Variants in SUSD2 observed in about 807,000 individuals in gnomAD.
The protein encoded by SUSD2 is sushi domain containing 2.
SUSD2 carries 86 observed loss-of-function variants against 93.8 expected under a neutral mutation model. The ratio of observed to expected loss-of-function variants is 0.92; its 90% CI spans 0.77 to 1.10. The LOEUF is 1.10. Ranked by LOEUF, SUSD2 falls within the 50% of genes least tolerant of loss-of-function variation. SUSD2 has a pLI of 0.00. For synonymous variants in SUSD2, 483 were observed against 485.0 expected (o/e 1.00, Z 0.05); for missense variants, 1,060 against 1,137.0 (o/e 0.93, Z 0.97).
rs377629201 is a variant in SUSD2, at chr22:24,188,014, G to C, written c.2220G>C (p.Arg740Ser). 1 of 1,613,052 alleles carries C rather than the reference G, an allele frequency of 6.2e-7. No individual in the cohort carries two copies. Among genetic ancestry groups the C allele is most frequent in the South Asian group, 1.1e-5 (1 of 91,090 alleles). The change falls in exon 13 of 15, where the codon AGG becomes AGC. Residue 740 changes from arginine (R) to serine (S), a missense_variant. Around this residue, in one of 2 missense-constraint regions of SUSD2, gnomAD observed 973 missense variants for 1,005.3 expected, o/e 0.97. Transcript: ENST00000358321. The surrounding 1 kb of genome is among the most constrained non-coding windows in gnomAD (Gnocchi z 4.7). ...CCAACGGACAAAAGGAGGGCAACAG[G>C]TACCTGGCGGGTTCCACCATCTACT... Reference protein sequence around the residue: ...PPPNGQKEGNRYLAGSTIYFH... With the variant: ...PPPNGQKEGNSYLAGSTIYFH...
At position 24,188,756 on chromosome 22, in the gene SUSD2, G is replaced by T. The variant is rs1414991469; in HGVS notation, c.*320G>T. On this transcript the variant is annotated 3_prime_UTR_variant, in exon 15 of 15. Transcript: ENST00000358321. The surrounding 1 kb of genome is among the most constrained non-coding windows in gnomAD (Gnocchi z 4.7). ...CACACCTGAGCCTCAGATTCCAATAGCTCACTCCCTAGAGCCTGACGCCGG... is the reference window on the plus strand; with the variant it reads ...CACACCTGAGCCTCAGATTCCAATATCTCACTCCCTAGAGCCTGACGCCGG... The T allele has an allele frequency of 6.2e-6, 2 of 321,620 alleles. No individual in the cohort carries two copies. Among genetic ancestry groups the T allele is most frequent in the Non-Finnish European group, 1.2e-5 (2 of 171,148 alleles). The allele number at this position is 321,620 out of a possible 1,614,324, so 19.9% of individuals were successfully genotyped here. A position where few individuals can be genotyped will look rare whatever the true frequency, so the allele number is the denominator to read the frequency against.
chr22:24,187,662 C>T lies in SUSD2; in HGVS notation c.1983C>T (p.Phe661=), dbSNP rs199510082. 67 of 1,614,108 alleles carry T rather than the reference C, an allele frequency of 4.2e-5. No individual in the cohort carries two copies. The East Asian group carries it at 6.9e-4, about 17-fold the overall frequency. Residue 661 remains phenylalanine (F), a synonymous_variant, in exon 12 of 15, where the codon TTC becomes TTT. Transcript: ENST00000358321. ...FLYQPKHDPT[F]EPLFPSETTL... ...ACCAACCCAAGCACGACCCCACCTT[C>T]GAGCCCCTCTTCCCCAGTGAGACCA... is the stretch of plus-strand genomic sequence containing the variant.
intron 5 of SUSD2, 59 bp from the exon 6 acceptor site, chr22:24,185,035 A>G: frequency 6.2e-7 from 1 of 1,610,116 alleles, no homozygotes; most frequent in Non-Finnish European, 8.5e-7. Context: ...GGGTGGGGAG[A>G]GTGGGGCGAC....
chr22:24,188,359 C>T lies in SUSD2; in HGVS notation c.2444+32C>T, dbSNP rs369313364. The T allele has an allele frequency of 3.7e-6, 6 of 1,610,458 alleles. No homozygotes were observed. The highest frequency in any genetic ancestry group is 4.5e-5 in the East Asian group (2 of 44,842). On this transcript the variant is annotated intron_variant, in intron 14 of 14. Transcript: ENST00000358321. This position sits in a 1 kb window ranked among gnomAD's most constrained non-coding sequence, Gnocchi z 4.7. ...CCCCCCAGCCCCTCTCCCAAGACCC[C>T]GAGACAGCCGGTGGGACCACCGAGG...
In SUSD2 at chr22:24,185,907, C is replaced by T. The variant is rs770800951; in HGVS notation, c.1317C>T (p.Arg439=). Reference sequence around the variant, plus strand: ...AACGGCGGCCCTCCAATGACTGCCGCAACTACCGGCCCCCAAGACTGGGTG... The same window carrying T: ...AACGGCGGCCCTCCAATGACTGCCGTAACTACCGGCCCCCAAGACTGGGTG... ...YMQRRPSNDC[R]NYRPPRLASA... Residue 439 remains arginine, a synonymous_variant, in exon 8 of 15, where the codon CGC becomes CGT. Coordinates refer to ENST00000358321, the MANE Select transcript of SUSD2 (RefSeq NM_019601.4). The T allele has an allele frequency of 5.7e-6, 9 of 1,572,534 alleles. No individual in the cohort carries two copies. The highest frequency in any genetic ancestry group is 6.9e-6 in the Non-Finnish European group (8 of 1,155,904).
intron 1 of SUSD2, among the ~76,000 whole-genome samples, chr22:24,181,857 C>T (rs983601109): frequency 1.3e-5 from 2 of 152,230 alleles, no homozygotes; most frequent in Non-Finnish European, 2.9e-5. Flanking sequence ...CCTGTGTCCC[C>T]AGCCCTGACA....
Position 24,183,534 on chromosome 22 carries a change from C to T in SUSD2, c.327C>T (p.Ser109=), listed in dbSNP as rs1397569740. ...DSIQTLGHVD[S]SGQVHCVSPL... is the part of the protein sequence containing the mutation. ...TCCAGACCCTCGGCCATGTGGACTC[C>T]TCCGGGCAAGTGCACTGTGTGTCAC... is the stretch of plus-strand genomic sequence containing the variant. Residue 109 remains serine, a synonymous_variant, in exon 3 of 15, where the codon TCC becomes TCT. Transcript: ENST00000358321. 1 of 1,613,212 alleles carries T rather than the reference C, an allele frequency of 6.2e-7. No individual in the cohort carries two copies. Among genetic ancestry groups the T allele is most frequent in the African/African-American group, 1.3e-5 (1 of 74,922 alleles).
In SUSD2 at chr22:24,188,168, C is replaced by A; in HGVS notation, c.2341+33C>A. 1 of 1,600,600 alleles carries A rather than the reference C, an allele frequency of 6.2e-7. No individual in the cohort carries two copies. The highest frequency in any genetic ancestry group is 8.5e-7 in the Non-Finnish European group (1 of 1,171,046). ...CACTCTGCTCATACACCTGCCTGCA[C>A]CTGTCCCCACTCACCACCCCAGAGA... On this transcript the variant is annotated intron_variant, in intron 13 of 14. Coordinates refer to ENST00000358321, the MANE Select transcript of SUSD2 (RefSeq NM_019601.4). The surrounding 1 kb of genome is among the most constrained non-coding windows in gnomAD (Gnocchi z 4.7).
chr22:24,185,333 G>A (rs1389173720), intron 6 of SUSD2, 38 bp downstream of exon 6: 3 of 1,589,742 alleles, frequency 1.9e-6, no homozygotes, highest in African/African-American at 2.7e-5. Flanking sequence ...GGGGATGAGG[G>A]GTTAGCCTCC....
chr22:24,188,248 G>A lies in SUSD2; in HGVS notation c.2365G>A (p.Gly789Ser), dbSNP rs369264220. 45 of 1,603,308 alleles carry A rather than the reference G, an allele frequency of 2.8e-5. No individual in the cohort carries two copies. In the African/African-American group the frequency reaches 5.2e-4, roughly 19 times the overall value. Reference protein sequence around the residue: ...QPGRSYAVLLGIIFGGLAVVA... With the variant: ...QPGRSYAVLLSIIFGGLAVVA... ...AGGACGCAGCTACGCGGTGCTGTTG[G>A]GCATCATCTTTGGGGGCCTCGCGGT... Residue 789 changes from glycine to serine, a missense_variant, in exon 14 of 15, where the codon GGC (glycine) becomes AGC (serine). Physicochemically the swap from Gly to Ser is moderately conservative, Grantham distance 56 (BLOSUM62 0). Transcript: ENST00000358321. The surrounding 1 kb of genome is among the most constrained non-coding windows in gnomAD (Gnocchi z 4.7).
chr22:24,187,715 C>G lies in SUSD2; in HGVS notation c.2036C>G (p.Ala679Gly). The G allele has an allele frequency of 6.2e-7, 1 of 1,614,108 alleles. No individual in the cohort carries two copies. The highest frequency in any genetic ancestry group is 1.1e-5 in the South Asian group (1 of 91,080). The stretch of plus-strand genomic sequence containing the variant: ...CTCAACCCCAGCCTGGCACAAGAGG[C>G]AGCCAAACTATGTGGGGACGATCAT... ...TTLNPSLAQE[A>G]AKLCGDDHFC... Residue 679 changes from alanine to glycine, a missense_variant, in exon 12 of 15, where the codon GCA becomes GGA. Ala to Gly is a moderately conservative substitution (Grantham distance 60). This residue lies in a region of SUSD2 where 973 missense variants were observed against 1,005.3 expected (regional missense o/e 0.97). Transcript: ENST00000358321.
Position 24,184,945 on chromosome 22 carries a change from G to A in SUSD2, c.782+5G>A. ...CAAAAATTACGCAGGGCAGAAGTAA[G>A]AAGGCATGGATGTGCAGGTGATGGC... On this transcript the variant is annotated splice_donor_5th_base_variant and intron_variant, in intron 5 of 14. Coordinates refer to ENST00000358321, the MANE Select transcript of SUSD2 (RefSeq NM_019601.4). 1.2e-6 allele frequency: 2 copies of A among 1,613,444 alleles called. No homozygotes were observed. The highest frequency in any genetic ancestry group is 2.7e-5 in the African/African-American group (2 of 75,008).
rs1000289225 is a variant in SUSD2, at chr22:24,188,243, T to C, written c.2360T>C (p.Leu787Pro). 5 of 1,602,340 alleles carry C rather than the reference T, an allele frequency of 3.1e-6. No homozygotes were observed. Among genetic ancestry groups the C allele is most frequent in the African/African-American group, 2.7e-5 (2 of 74,778 alleles). Reference sequence around the variant, plus strand: ...TCACCAGGACGCAGCTACGCGGTGCTGTTGGGCATCATCTTTGGGGGCCTC... The same window carrying C: ...TCACCAGGACGCAGCTACGCGGTGCCGTTGGGCATCATCTTTGGGGGCCTC... The part of the protein sequence containing the change: ...KCQPGRSYAV[L>P]LGIIFGGLAV... Residue 787 changes from leucine to proline, a missense_variant, in exon 14 of 15, where the codon CTG (leucine) becomes CCG (proline). Transcript: ENST00000358321. This position sits in a 1 kb window ranked among gnomAD's most constrained non-coding sequence, Gnocchi z 4.7.
At chr22:24,183,401 G>A in intron 2 of SUSD2, 94 bp from the exon 3 acceptor site, 2 of 1,544,930 alleles carry the variant, frequency 1.3e-6, no homozygotes, top group Non-Finnish European at 1.8e-6. Flanking sequence ...GGGACAGCTG[G>A]CTGGTTGGGT....
Position 24,185,718 on chromosome 22 carries a change from G to A in SUSD2, c.1128G>A (p.Leu376=), listed in dbSNP as rs41304431. 1.4e-3 allele frequency: 2,211 copies of A among 1,610,992 alleles called. 3 individuals carry two copies. Among genetic ancestry groups the A allele is most frequent in the Admixed American group, 1.6e-3 (96 of 59,882 alleles). Residue 376 remains leucine (L), a synonymous_variant, in exon 8 of 15, where the codon CTG becomes CTA. Transcript: ENST00000358321. ...ACACAGCGGACGGGACGCAGCTCCTGACAGCTGACTCCAGCGGCGGCAGCA... is the reference window on the plus strand; with the variant it reads ...ACACAGCGGACGGGACGCAGCTCCTAACAGCTGACTCCAGCGGCGGCAGCA... ...CCYTADGTQL[L]TADSSGGSTP... is the part of the protein sequence containing the mutation.
In SUSD2 at chr22:24,185,773, C is replaced by A. The variant is rs372737625; in HGVS notation, c.1183C>A (p.Pro395Thr). Residue 395 changes from proline to threonine, a missense_variant, in exon 8 of 15, where the codon CCC becomes ACC. By Grantham distance (38) the Pro-to-Thr change is conservative (BLOSUM62 -1). Coordinates refer to ENST00000358321, the MANE Select transcript of SUSD2 (RefSeq NM_019601.4). ...TPDRGHDWGA[P>T]PFRTPPRVPS... is the part of the protein sequence containing the mutation. ...CGACCGCGGCCATGACTGGGGCGCA[C>A]CCCCGTTCCGCACGCCACCCCGAGT... 1.9e-6 allele frequency: 3 copies of A among 1,609,946 alleles called. No homozygotes were observed. Among genetic ancestry groups the A allele is most frequent in the South Asian group, 1.1e-5 (1 of 90,444 alleles).
chr22:24,186,248 C>T lies in SUSD2; in HGVS notation c.1484-9C>T. 1 of 1,612,790 alleles carries T rather than the reference C, an allele frequency of 6.2e-7. No homozygotes were observed. ...CCAAGTGGCTCCCGTTCTGCTCCCA[C>T]CACCGCAGGCACGGAGACCCGTGGC... On this transcript the variant is annotated splice_polypyrimidine_tract_variant and intron_variant, in intron 9 of 14. Transcript: ENST00000358321.
Position 24,187,753 on chromosome 22 carries a change from G to A in SUSD2, c.2074G>A (p.Asp692Asn). ...TGGGGACGATCATTTCTGCAACTTT[G>A]ATGTGGCAGCCACTGGGAGCCTGAG... Reference protein sequence around the residue: ...LCGDDHFCNFDVAATGSLSTG... With the variant: ...LCGDDHFCNFNVAATGSLSTG... The change falls in exon 12 of 15, where the codon GAT becomes AAT. Residue 692 changes from aspartate to asparagine, a missense_variant. Physicochemically the swap from Asp to Asn is conservative, Grantham distance 23. Transcript: ENST00000358321. 1 of 1,613,874 alleles carries A rather than the reference G, an allele frequency of 6.2e-7. No individual in the cohort carries two copies. The highest frequency in any genetic ancestry group is 8.5e-7 in the Non-Finnish European group (1 of 1,180,008).
At chr22:24,183,425 T>G in intron 2 of SUSD2, 70 bp from the exon 3 acceptor site, 1 of 1,568,606 alleles carries the variant, frequency 6.4e-7, no homozygotes, top group South Asian at 1.2e-5. Flanking sequence ...CCAGGGAGGT[T>G]GGGGGCCCAG....
Sources: gnomAD v4.1 joint callset for allele counts (sites outside exome capture counted in the v4.1 genomes callset) on GRCh38, gnomAD v4.1.1 for gene constraint, gnomAD v4.1.1 regional missense constraint, Gnocchi (gnomAD v3.1) non-coding constraint, MANE v1.5 for transcripts, NCBI Gene and HGNC (gene_info 2026-07-23, HGNC 2026-07-21) for gene names.